SFMBT2: variants seen among roughly 807,000 people sequenced by gnomAD.
The protein encoded by SFMBT2 is scm-like with four MBT domains protein 2.
Under a neutral mutation model 110.1 loss-of-function variants are expected in SFMBT2, and 38 were observed. The ratio of observed to expected loss-of-function variants is 0.35; its 90% CI spans 0.27 to 0.45. The LOEUF (loss-of-function observed/expected upper bound fraction) is 0.45. Among genes scored for constraint, SFMBT2 ranks in the 20% least tolerant of loss-of-function variants. The pLI, the probability that SFMBT2 is intolerant of heterozygous loss-of-function variation, is 1.00. For synonymous variants in SFMBT2, 425 were observed against 425.4 expected, an observed-to-expected ratio of 1.00 and a Z score of 0.01; for missense variants, 1,011 against 1,094.9, an observed-to-expected ratio of 0.92 and a Z score of 1.08.
At chr10:7,267,403 A>G (rs531796418) in intron 7 of SFMBT2, among the ~76,000 whole-genome samples, 2 of 152,280 alleles carry the variant, frequency 1.3e-5, no homozygotes, top group Admixed American at 1.3e-4. Flanking sequence ...AAGCGGAGAG[A>G]GGCTACAAGG....
At chr10:7,337,708 C>G (rs1448611446) in intron 4 of SFMBT2, among the ~76,000 whole-genome samples, 1 of 152,096 alleles carries the variant, frequency 6.6e-6, no homozygotes, top group Non-Finnish European at 1.5e-5. Flanking sequence ...CTGGGTATTT[C>G]TTTGTAGCAG....
At chr10:7,248,781 G>T (rs1053324391) in intron 7 of SFMBT2, 132 bp from the exon 8 acceptor site, 2 of 725,382 alleles carry the variant, frequency 2.8e-6, no homozygotes, top group Non-Finnish European at 4.5e-6. Context: ...TCCCTGTTTC[G>T]AATTTCTAAT....
intron 20 of SFMBT2, among the ~76,000 whole-genome samples, chr10:7,167,259 A>C (rs1837721026): frequency 6.6e-6 from 1 of 152,194 alleles, no homozygotes; most frequent in Admixed American, 6.5e-5. Context: ...ATGAAAGCTG[A>C]ATACATAGGT....
intron 4 of SFMBT2, among the ~76,000 whole-genome samples, chr10:7,361,540 T>A (rs1282662655): frequency 1.3e-5 from 2 of 152,212 alleles, no homozygotes; most frequent in Non-Finnish European, 1.5e-5. Context: ...CATAAGGCCA[T>A]CTTCACACTT....
chr10:7,172,481 C>T lies in SFMBT2; in HGVS notation c.2151+14G>A, dbSNP rs761402375. The stretch of plus-strand genomic sequence containing the variant: ...CAGAGCTACAGGCTGGCAGGTGCCC[C>T]GGGCAGAACATACCTCCCCCGAGCC... On this transcript the variant is annotated intron_variant, in intron 18 of 20. Coordinates refer to ENST00000397167, the MANE Select transcript of SFMBT2 (RefSeq NM_001387889.1). The surrounding 1 kb of genome is among the most constrained non-coding windows in gnomAD (Gnocchi z 4.6). The T allele has an allele frequency of 1.5e-5, 25 of 1,613,104 alleles. No homozygotes were observed. In the African/African-American group the frequency reaches 1.7e-4, roughly 11 times the overall value.
chr10:7,191,234 T>C (rs2131582010), intron 15 of SFMBT2, among the ~76,000 whole-genome samples: 1 of 152,346 alleles, frequency 6.6e-6, no homozygotes, highest in South Asian at 2.1e-4. Flanking sequence ...AACAGCGCCT[T>C]TTCCTCTTCT....
At chr10:7,344,958 CAAAAA>C (rs35145669) in intron 4 of SFMBT2, among the ~76,000 whole-genome samples, 1 of 53,242 alleles carries the variant, frequency 1.9e-5, no homozygotes, top group Non-Finnish European at 3.6e-5. Context: ...GACTCTGTCT[CAAAAA>C]AAAAAAAAAA....
chr10:7,354,112 CA>C (rs929815790), intron 4 of SFMBT2, among the ~76,000 whole-genome samples: 2 of 150,498 alleles, frequency 1.3e-5, no homozygotes, highest in African/African-American at 4.9e-5. Flanking sequence ...ATAAATAAAA[CA>C]AAAAAATAAA....
At chr10:7,404,694 C>T (rs1202293466) in intron 1 of SFMBT2, among the ~76,000 whole-genome samples, 4 of 152,228 alleles carry the variant, frequency 2.6e-5, no homozygotes, top group Non-Finnish European at 5.9e-5. Flanking sequence ...TCTATCTCAT[C>T]ACATGAATGG....
chr10:7,320,594 G>A (rs901930057), intron 4 of SFMBT2: 1 of 985,090 alleles, frequency 1.0e-6, no homozygotes, highest in African/African-American at 1.7e-5. Context: ...CACACCTGCT[G>A]AGAGCCAATA....
chr10:7,215,392 C>A (rs534800745), intron 11 of SFMBT2, among the ~76,000 whole-genome samples: 2 of 152,292 alleles, frequency 1.3e-5, no homozygotes, highest in Non-Finnish European at 2.9e-5. Context: ...AAGAGCAAGA[C>A]CCTGTCTCAA....
chr10:7,259,789 C>A (rs1037522621), intron 7 of SFMBT2, among the ~76,000 whole-genome samples: 1 of 152,196 alleles, frequency 6.6e-6, no homozygotes. Flanking sequence ...CCCTTCAGCC[C>A]CTTGGTGTGA....
At chr10:7,254,673 C>T (rs958842614) in intron 7 of SFMBT2, among the ~76,000 whole-genome samples, 6 of 151,866 alleles carry the variant, frequency 4.0e-5, no homozygotes, top group Admixed American at 1.3e-4. Flanking sequence ...AAAAAAAATA[C>T]AAAAATTAGC....
At chr10:7,228,379 A>T in intron 9 of SFMBT2, 1 of 809,926 alleles carries the variant, frequency 1.2e-6, no homozygotes, top group Non-Finnish European at 1.5e-6. Context: ...AAAAAATTAA[A>T]AAAAAAAAAA....
intron 14 of SFMBT2, among the ~76,000 whole-genome samples, chr10:7,198,696 C>T (rs559616129): frequency 1.3e-5 from 2 of 152,338 alleles, no homozygotes; most frequent in South Asian, 2.1e-4. Context: ...GCTGATCTTG[C>T]TGTCTCCAAT....
rs1233658422 is a variant in SFMBT2, at chr10:7,171,772, T to TAG, written c.2415+121_2415+122dup. 8.9e-7 allele frequency: 1 copy of TAG among 1,118,232 alleles called. No homozygotes were observed. Among genetic ancestry groups the TAG allele is most frequent in the Non-Finnish European group, 1.2e-6 (1 of 855,942 alleles). 69.3% of individuals were successfully genotyped at this position (1,118,232 alleles called of 1,614,324 possible). A position where few individuals can be genotyped will look rare whatever the true frequency, so the allele number is the denominator to read the frequency against. ...CTTTGTTCCTGACTTGGGAACTAGC[T>TAG]AGAGCAGCTGCTGCTGTTGGAGGTA... is the stretch of plus-strand genomic sequence containing the variant. On this transcript the variant is annotated intron_variant, in intron 19 of 20. Transcript: ENST00000397167. The surrounding 1 kb of genome is among the most constrained non-coding windows in gnomAD (Gnocchi z 4.9).
At chr10:7,409,103 C>T (rs1379678397) in intron 1 of SFMBT2, among the ~76,000 whole-genome samples, 1 of 150,862 alleles carries the variant, frequency 6.6e-6, no homozygotes, top group Non-Finnish European at 1.5e-5. Context: ...ACCACCACCA[C>T]CACCACTTTG....
chr10:7,237,970 T>C (rs988179724), intron 9 of SFMBT2, among the ~76,000 whole-genome samples: 56 of 151,900 alleles, frequency 3.7e-4, no homozygotes, highest in African/African-American at 1.4e-3. Context: ...GTCAGGGAGA[T>C]GAGAGTGACT....
chr10:7,180,133 C>CTTT (rs34158255), intron 16 of SFMBT2, among the ~76,000 whole-genome samples: 19,194 of 128,416 alleles, frequency 0.15, 1,562 homozygotes, highest in African/African-American at 0.24. Flanking sequence ...CTTTTTTTTG[C>CTTT]TTTTTTTGAG....
Sources: allele counts gnomAD v4.1 joint callset (sites outside exome capture counted in the v4.1 genomes callset), GRCh38; gene constraint gnomAD v4.1.1; non-coding constraint Gnocchi (gnomAD v3.1); transcripts MANE v1.5; gene names NCBI Gene and HGNC (gene_info 2026-07-23, HGNC 2026-07-21).